Variants in ZC3HC1 observed in about 807,000 individuals in gnomAD.
ZC3HC1 encodes zinc finger C3HC-type protein 1.
In ZC3HC1, 38 loss-of-function variants were observed where a neutral mutation model predicts 61.9. The observed-to-expected ratio is 0.61, with a 90% confidence interval of 0.47 to 0.81. The LOEUF (loss-of-function observed/expected upper bound fraction) is 0.81. ZC3HC1 is among the 30% of genes least tolerant of loss of function. The pLI is 0.00. For missense variants in ZC3HC1, 554 were observed against 622.7 expected, an observed-to-expected ratio of 0.89 and a Z score of 1.17; for synonymous variants, 213 against 229.9, an observed-to-expected ratio of 0.93 and a Z score of 0.67.
chr7:130,022,392 G>C lies in ZC3HC1; in HGVS notation c.1367C>G (p.Pro456Arg), dbSNP rs756651210. Residue 456 changes from proline (P) to arginine (R), a missense_variant, in exon 9 of 10, where the codon CCA (proline) becomes CGA (arginine). Coordinates refer to ENST00000358303, the MANE Select transcript of ZC3HC1 (RefSeq NM_016478.5). ...TEPDASAPAE[P>R]GWKAVLTILL... is the part of the protein sequence containing the mutation. ...GATGGTCAGCACTGCTTTCCAGCCT[G>C]GCTCTGCTGGGGCGCTGGCATCTGG... The C allele has an allele frequency of 6.2e-7, 1 of 1,613,726 alleles. No homozygotes were observed. The highest frequency in any genetic ancestry group is 8.5e-7 in the Non-Finnish European group (1 of 1,179,836).
chr7:130,045,114 A>G (rs1357715473), intron 2 of ZC3HC1, among the ~76,000 whole-genome samples: 2 of 152,162 alleles, frequency 1.3e-5, no homozygotes, highest in Non-Finnish European at 2.9e-5. Flanking sequence ...TAATTTATCA[A>G]TGTCAATTTT....
At chr7:130,042,335 T>C (rs1418817198) in intron 2 of ZC3HC1, among the ~76,000 whole-genome samples, 3 of 151,472 alleles carry the variant, frequency 2.0e-5, no homozygotes, top group African/African-American at 4.8e-5. Context: ...TATTATTGGT[T>C]GTCTGGTAGA....
Position 130,026,320 on chromosome 7 carries a change from G to T in ZC3HC1, c.622-8C>A. On this transcript the variant is annotated splice_region_variant and splice_polypyrimidine_tract_variant and intron_variant, in intron 5 of 9. Transcript: ENST00000358303. ...CTTGTCTTCTGTCAAGCACTACAAGGGAGCCAAGTAAAAAACTTCGTTTCA... is the reference window on the plus strand; with the variant it reads ...CTTGTCTTCTGTCAAGCACTACAAGTGAGCCAAGTAAAAAACTTCGTTTCA... 6.3e-7 allele frequency: 1 copy of T among 1,595,776 alleles called. No individual in the cohort carries two copies. The highest frequency in any genetic ancestry group is 8.6e-7 in the Non-Finnish European group (1 of 1,168,026).
At chr7:130,025,041 G>T (rs1169637706) in intron 6 of ZC3HC1, among the ~76,000 whole-genome samples, 1 of 150,090 alleles carries the variant, frequency 6.7e-6, no homozygotes, top group East Asian at 2.1e-4. Context: ...GAGTAGCTGG[G>T]ATTACAGGCA....
chr7:130,034,526 GCT>G (rs764560458), intron 4 of ZC3HC1, among the ~76,000 whole-genome samples: 24 of 147,204 alleles, frequency 1.6e-4, no homozygotes, highest in Admixed American at 9.5e-4. Flanking sequence ...ACAGGGTCTT[GCT>G]CTGTCATGCA....
intron 7 of ZC3HC1, 148 bp downstream of exon 7, chr7:130,024,115 A>C: frequency 8.3e-7 from 1 of 1,199,978 alleles, no homozygotes; most frequent in South Asian, 1.6e-5. Context: ...TAGCTTCCCC[A>C]TTAGTGAACA....
intron 2 of ZC3HC1, among the ~76,000 whole-genome samples, chr7:130,042,029 A>T (rs936759097): frequency 6.6e-6 from 1 of 152,148 alleles, no homozygotes; most frequent in Non-Finnish European, 1.5e-5. Context: ...TTGGCCAAGC[A>T]CAGTGGCACA....
At chr7:130,045,890 C>CAAAAAAAAAA (rs59500095) in intron 2 of ZC3HC1, among the ~76,000 whole-genome samples, 1 of 38,586 alleles carries the variant, frequency 2.6e-5, no homozygotes, top group Admixed American at 2.7e-4. Context: ...GACTCCATCT[C>CAAAAAAAAAA]AAAAAAAAAA....
rs1005294567 is a variant in ZC3HC1 at position 130,026,673 on chromosome 7, C to T, written c.622-361G>A. ...ATGTCTTAGCCTGACACTAAATTTA[C>T]TTAAACATTAAAGAGGCCAGGCGTG... On this transcript the variant is annotated intron_variant, in intron 5 of 9. Transcript: ENST00000358303. 3 of 163,048 alleles carry T rather than the reference C, an allele frequency of 1.8e-5. No individual in the cohort carries two copies. In the Admixed American group the frequency reaches 1.8e-4, roughly 10 times the overall value. 10.1% of individuals were successfully genotyped at this position (163,048 alleles called of 1,614,324 possible). A position where few individuals can be genotyped will look rare whatever the true frequency, so the allele number is the denominator to read the frequency against.
intron 4 of ZC3HC1, among the ~76,000 whole-genome samples, chr7:130,031,050 C>CG (rs1451024806): frequency 6.7e-6 from 1 of 149,716 alleles, no homozygotes; most frequent in Non-Finnish European, 1.5e-5. Context: ...GACATCCCAG[C>CG]GGGGCGTGGT....
chr7:130,029,269 G>T (rs1214468243), intron 4 of ZC3HC1, among the ~76,000 whole-genome samples: 2 of 152,086 alleles, frequency 1.3e-5, no homozygotes, highest in East Asian at 3.9e-4. Context: ...AGCTACTCGG[G>T]AGGCTAAGAC....
In ZC3HC1 at chr7:130,026,251, C is replaced by T. The variant is rs180980614; in HGVS notation, c.683G>A (p.Arg228Gln). The change falls in exon 6 of 10, where the codon CGA (arginine) becomes CAA (glutamine). Residue 228 changes from arginine to glutamine, a missense_variant. Arg to Gln is a conservative substitution (Grantham distance 43). Coordinates refer to ENST00000358303, the MANE Select transcript of ZC3HC1 (RefSeq NM_016478.5). ...GATTGTAGTTTTTCTCTCATCAGTTCGGTGATCAAGTTCATCTTCAAGCAA... is the reference window on the plus strand; with the variant it reads ...GATTGTAGTTTTTCTCTCATCAGTTTGGTGATCAAGTTCATCTTCAAGCAA... Reference protein sequence around the residue: ...LHLLEDELDHRTDERKTTIKL... With the variant: ...LHLLEDELDHQTDERKTTIKL... The T allele has an allele frequency of 1.5e-5, 24 of 1,613,966 alleles. No individual in the cohort carries two copies. The highest frequency in any genetic ancestry group is 1.7e-4 in the Middle Eastern group (1 of 6,060).
At chr7:130,035,872 T>C (rs973372369) in intron 4 of ZC3HC1, among the ~76,000 whole-genome samples, 2 of 152,182 alleles carry the variant, frequency 1.3e-5, no homozygotes, top group East Asian at 3.9e-4. Context: ...AGATTAAGAT[T>C]TTCCTCCACA....
chr7:130,031,836 G>C (rs1446142827), intron 4 of ZC3HC1, among the ~76,000 whole-genome samples: 3 of 152,138 alleles, frequency 2.0e-5, no homozygotes, highest in Non-Finnish European at 2.9e-5. Flanking sequence ...ACTACTGAAG[G>C]TGTGCTCCCC....
At chr7:130,034,484 CAAAAAAAAAAAAAAA>C (rs35780865) in intron 4 of ZC3HC1, among the ~76,000 whole-genome samples, 10 of 62,276 alleles carry the variant, frequency 1.6e-4, no homozygotes, top group Admixed American at 2.5e-4. Context: ...GACTCCGTCT[CAAAAAAAAAAAAAAA>C]AAAAAAAAAA....
chr7:130,022,029 G>T (rs1248568876), intron 9 of ZC3HC1, among the ~76,000 whole-genome samples: 1 of 152,020 alleles, frequency 6.6e-6, no homozygotes, highest in East Asian at 1.9e-4. Flanking sequence ...AAAATTAGCC[G>T]GGTGTGGTGG....
chr7:130,022,528 G>A lies in ZC3HC1; in HGVS notation c.1234-3C>T, dbSNP rs1255194191. 1 of 1,614,024 alleles carries A rather than the reference G, an allele frequency of 6.2e-7. No individual in the cohort carries two copies. Among genetic ancestry groups the A allele is most frequent in the African/African-American group, 1.3e-5 (1 of 75,042 alleles). On this transcript the variant is annotated splice_polypyrimidine_tract_variant and splice_region_variant and intron_variant, in intron 8 of 9. Transcript: ENST00000358303. Reference sequence around the variant, plus strand: ...AAGAAGCTTCGGGAAGATGTGTCCTGAGGAAGGAGAAAAAGAAATAGCATT... The same window carrying A: ...AAGAAGCTTCGGGAAGATGTGTCCTAAGGAAGGAGAAAAAGAAATAGCATT...
chr7:130,047,296 A>G (rs924420829), intron 2 of ZC3HC1, among the ~76,000 whole-genome samples: 1 of 151,974 alleles, frequency 6.6e-6, no homozygotes, highest in Non-Finnish European at 1.5e-5. Context: ...GGGTTTCACC[A>G]TATTGGCCAG....
intron 3 of ZC3HC1, 143 bp from the exon 4 acceptor site, chr7:130,039,690 T>C: frequency 1.8e-6 from 1 of 568,938 alleles, no homozygotes. Flanking sequence ...ATCTTAATAT[T>C]TTTCACAAAA....
Sources: gnomAD v4.1 joint callset for allele counts (sites outside exome capture counted in the v4.1 genomes callset) on GRCh38, gnomAD v4.1.1 for gene constraint, MANE v1.5 for transcripts, NCBI Gene and HGNC (gene_info 2026-07-23, HGNC 2026-07-21) for gene names.